The following NINL variants were observed in gnomAD, a reference collection of about 807,000 sequenced individuals.
NINL encodes the protein ninein-like protein.
Under a neutral mutation model 160.3 loss-of-function variants are expected in NINL, and 153 were observed. The ratio of observed to expected loss-of-function variants is 0.95; its 90% CI spans 0.84 to 1.09. The LOEUF is 1.09. NINL is among the 50% of genes least tolerant of loss of function. The pLI is 0.00. For synonymous variants in NINL, 800 were observed against 734.8 expected (o/e 1.09, Z -1.43); for missense variants, 1,829 against 1,764.0 (o/e 1.04, Z -0.66).
Position 25,476,543 on chromosome 20 carries a change from C to T in NINL, c.2748G>A (p.Gly916=), listed in dbSNP as rs373631221. ...WSRMQPCGVD[G]DIVPKEPEPF... is the part of the protein sequence containing the mutation. ...GCTCTGGCTCCTTTGGGACAATATCCCCATCCACTCCACAGGGCTGCATGC... is the reference window on the plus strand; with the variant it reads ...GCTCTGGCTCCTTTGGGACAATATCTCCATCCACTCCACAGGGCTGCATGC... The change falls in exon 17 of 24, where the codon GGG becomes GGA. Residue 916 remains glycine, a synonymous_variant. Coordinates refer to ENST00000278886, the MANE Select transcript of NINL (RefSeq NM_025176.6). 6.2e-7 allele frequency: 1 copy of T among 1,600,194 alleles called. No individual in the cohort carries two copies.
At chr20:25,518,450 GC>G (rs1419999293) in intron 2 of NINL, among the ~76,000 whole-genome samples, 1 of 152,124 alleles carries the variant, frequency 6.6e-6, no homozygotes, top group Non-Finnish European at 1.5e-5. Flanking sequence ...ATACAGTAAA[GC>G]TTTTCACCTT....
At chr20:25,505,479 A>G (rs2063945769) in intron 5 of NINL, among the ~76,000 whole-genome samples, 1 of 152,250 alleles carries the variant, frequency 6.6e-6, no homozygotes, top group Non-Finnish European at 1.5e-5. Context: ...GCACACACAC[A>G]TAACTAGGTG....
chr20:25,527,589 G>T (rs1018409875), intron 1 of NINL, among the ~76,000 whole-genome samples: 2 of 151,572 alleles, frequency 1.3e-5, no homozygotes, highest in African/African-American at 4.9e-5. Flanking sequence ...GGAAAAAAAG[G>T]AAACTCCAAT....
intron 22 of NINL, 44 bp from the exon 23 acceptor site, chr20:25,455,830 C>T (rs12481409): frequency 0.16 from 239,966 of 1,520,538 alleles, 23,904 homozygotes; most frequent in East Asian, 0.58. Context: ...TGGTGGCTCA[C>T]GCCTCTAATC....
At chr20:25,561,609 A>G (rs1050768616) in intron 1 of NINL, among the ~76,000 whole-genome samples, 1 of 149,518 alleles carries the variant, frequency 6.7e-6, no homozygotes, top group Non-Finnish European at 1.5e-5. Context: ...CCCGGCCACC[A>G]TCCCATCTAG....
At chr20:25,519,225 AC>A (rs2064220045) in intron 2 of NINL, among the ~76,000 whole-genome samples, 1 of 152,142 alleles carries the variant, frequency 6.6e-6, no homozygotes, top group African/African-American at 2.4e-5. Flanking sequence ...GTCTTCTATG[AC>A]AATACAAAGC....
intron 5 of NINL, among the ~76,000 whole-genome samples, chr20:25,506,850 T>C (rs908413164): frequency 2.6e-4 from 39 of 152,174 alleles, no homozygotes; most frequent in African/African-American, 9.4e-4. Context: ...AAATCGCAGA[T>C]CTCATGTTAC....
At chr20:25,477,899 C>T (rs968392304) in intron 16 of NINL, among the ~76,000 whole-genome samples, 1 of 150,412 alleles carries the variant, frequency 6.6e-6, no homozygotes, top group African/African-American at 2.4e-5. Flanking sequence ...AGCTGAAAGC[C>T]TGGGGAGGCA....
intron 1 of NINL, among the ~76,000 whole-genome samples, chr20:25,581,976 G>A (rs983807025): frequency 6.6e-6 from 1 of 152,192 alleles, no homozygotes; most frequent in Non-Finnish European, 1.5e-5. Context: ...GCTCAAGTCC[G>A]GCCAGGCGTG....
At chr20:25,499,686 G>A (rs1180203306) in intron 8 of NINL, among the ~76,000 whole-genome samples, 1 of 152,054 alleles carries the variant, frequency 6.6e-6, no homozygotes, top group African/African-American at 2.4e-5. Context: ...TGAGGGTCTT[G>A]GTCTGTGGAG....
At chr20:25,575,889 T>TCCTC (rs1351677097) in intron 1 of NINL, among the ~76,000 whole-genome samples, 2 of 152,048 alleles carry the variant, frequency 1.3e-5, no homozygotes, top group African/African-American at 4.8e-5. Context: ...CTCCCTCACT[T>TCCTC]CCTCCCTCCC....
Position 25,453,575 on chromosome 20 carries a change from C to T in NINL, c.4025G>A (p.Arg1342Lys). The T allele has an allele frequency of 6.2e-7, 1 of 1,614,128 alleles. No homozygotes were observed. The highest frequency in any genetic ancestry group is 1.3e-5 in the African/African-American group (1 of 75,032). ...CTTCTCCTCGGTGGCCTGAAGTGCT[C>T]TCACCAGGTGGGCGTTCTCCACGTA... ...ELYVENAHLV[R>K]ALQATEEKQR... is the part of the protein sequence containing the mutation. The change falls in exon 24 of 24, where the codon AGA becomes AAA. Residue 1342 changes from arginine to lysine, a missense_variant. Transcript: ENST00000278886.
intron 1 of NINL, among the ~76,000 whole-genome samples, chr20:25,555,911 G>A (rs2064860251): frequency 6.6e-6 from 1 of 151,994 alleles, no homozygotes; most frequent in South Asian, 2.1e-4. Context: ...CTGACCTCAG[G>A]TGATACGCCC....
chr20:25,566,770 G>C (rs2065003132), intron 1 of NINL, among the ~76,000 whole-genome samples: 1 of 152,000 alleles, frequency 6.6e-6, no homozygotes, highest in South Asian at 2.1e-4. Context: ...CTCCAACCTA[G>C]GTGACACAGC....
intron 2 of NINL, among the ~76,000 whole-genome samples, chr20:25,520,158 G>C (rs2064237872): frequency 6.6e-6 from 1 of 152,060 alleles, no homozygotes; most frequent in South Asian, 2.1e-4. Context: ...TGAGGGATAA[G>C]GGTGTGATGG....
At chr20:25,556,044 G>A (rs2064862318) in intron 1 of NINL, among the ~76,000 whole-genome samples, 1 of 151,986 alleles carries the variant, frequency 6.6e-6, no homozygotes, top group African/African-American at 2.4e-5. Context: ...ACTTTGGGAG[G>A]CCAAGGCAGG....
Position 25,489,293 on chromosome 20 carries a change from T to C in NINL, c.1628A>G (p.Gln543Arg). ...CAGGACTGCTGCGAACCGCTCCTCC[T>C]GGGCCAGGAGCTCTGCACTCTGTGG... The part of the protein sequence containing the change: ...LEPQSAELLA[Q>R]EERFAAVLKE... Residue 543 changes from glutamine to arginine, a missense_variant, in exon 13 of 24, where the codon CAG (glutamine) becomes CGG (arginine). Gln to Arg is a conservative substitution (Grantham distance 43). Coordinates refer to ENST00000278886, the MANE Select transcript of NINL (RefSeq NM_025176.6). 6.2e-7 allele frequency: 1 copy of C among 1,614,046 alleles called. No homozygotes were observed. The highest frequency in any genetic ancestry group is 1.1e-5 in the South Asian group (1 of 91,080).
chr20:25,465,280 G>A (rs1319969271), intron 19 of NINL, among the ~76,000 whole-genome samples: 1 of 152,130 alleles, frequency 6.6e-6, no homozygotes, highest in Non-Finnish European at 1.5e-5. Context: ...AGGTCTTCTA[G>A]ATCAAAACAC....
chr20:25,496,917 A>C, intron 9 of NINL, 114 bp from the exon 10 acceptor site: 3 of 1,367,056 alleles, frequency 2.2e-6, no homozygotes, highest in Non-Finnish European at 3.0e-6. Context: ...CACACCAACT[A>C]TACAGCGGGC....
Sources: allele counts gnomAD v4.1 joint callset (sites outside exome capture counted in the v4.1 genomes callset), GRCh38; gene constraint gnomAD v4.1.1; transcripts MANE v1.5; gene names NCBI Gene and HGNC (gene_info 2026-07-23, HGNC 2026-07-21).